Variants in KIF26B observed in about 807,000 individuals in gnomAD.
The protein encoded by KIF26B is kinesin-like protein KIF26B.
KIF26B carries 63 observed loss-of-function variants against 151.2 expected under a neutral mutation model. The observed-to-expected ratio is 0.42, with a 90% CI of 0.34 to 0.51. The LOEUF (loss-of-function observed/expected upper bound fraction) is 0.51. Ranked by LOEUF, KIF26B falls within the 20% of genes least tolerant of loss-of-function variation. KIF26B has a pLI of 0.07. For missense variants in KIF26B, 2,813 were observed against 2,913.6 expected (o/e 0.97, Z 0.79); for synonymous variants, 1,357 against 1,262.1 (o/e 1.08, Z -1.59).
Position 245,602,504 on chromosome 1 carries a change from A to G in KIF26B, c.1351-73A>G. 1.7e-6 allele frequency: 2 copies of G among 1,161,442 alleles called. No individual in the cohort carries two copies. Among genetic ancestry groups the G allele is most frequent in the Non-Finnish European group, 2.5e-6 (2 of 794,050 alleles). The allele number at this position is 1,161,442 out of a possible 1,614,324, so 71.9% of individuals were successfully genotyped here. A position where few individuals can be genotyped will look rare whatever the true frequency, so the allele number is the denominator to read the frequency against. On this transcript the variant is annotated intron_variant, in intron 5 of 14. Transcript: ENST00000407071. The surrounding 1 kb of genome is among the most constrained non-coding windows in gnomAD (Gnocchi z 4.5). Reference sequence around the variant, plus strand: ...GCTGCCATGTGCATGTATATCGCAGAGTATACAAGGGTGCTCCATCGTAAA... The same window carrying G: ...GCTGCCATGTGCATGTATATCGCAGGGTATACAAGGGTGCTCCATCGTAAA...
chr1:245,195,700 T>G (rs1359502063), intron 2 of KIF26B, among the ~76,000 whole-genome samples: 2 of 152,116 alleles, frequency 1.3e-5, no homozygotes, highest in African/African-American at 4.8e-5. Context: ...TCAGGTGTTG[T>G]TTTTCCGCCA....
At position 245,687,958 on chromosome 1, in the gene KIF26B, C is replaced by A. The variant is rs755834397; in HGVS notation, c.4975C>A (p.Leu1659Met). Residue 1659 changes from leucine to methionine, a missense_variant, in exon 12 of 15, where the codon CTG becomes ATG. Leu to Met is a conservative substitution (Grantham distance 15). This residue lies in a region of KIF26B where 2,060 missense variants were observed against 2,088.6 expected (regional missense o/e 0.99). Transcript: ENST00000407071. This position sits in a 1 kb window ranked among gnomAD's most constrained non-coding sequence, Gnocchi z 4.9. ...CAGCAGCAAGCTCTTCAGTGCCAAG[C>A]TGGAGCAGCTGGCCAGCAGAAGCAA... ...SSSSKLFSAK[L>M]EQLASRSNSL... The A allele has an allele frequency of 4.4e-6, 7 of 1,587,872 alleles. No individual in the cohort carries two copies. In the Admixed American group the frequency reaches 8.8e-5, roughly 20 times the overall value.
chr1:245,634,161 T>G (rs1188124110), intron 9 of KIF26B, among the ~76,000 whole-genome samples: 1 of 152,234 alleles, frequency 6.6e-6, no homozygotes, highest in African/African-American at 2.4e-5. Flanking sequence ...AGAAATGCAT[T>G]GATTTTTGTC....
intron 2 of KIF26B, among the ~76,000 whole-genome samples, chr1:245,186,649 C>T (rs4658719): frequency 0.75 from 114,106 of 152,054 alleles, 43,640 homozygotes; most frequent in East Asian, 0.88. Context: ...CAGTAAGTTA[C>T]GTATCTCTAA....
intron 4 of KIF26B, among the ~76,000 whole-genome samples, chr1:245,477,935 G>A (rs1357840855): frequency 1.3e-5 from 2 of 151,642 alleles, no homozygotes. Context: ...TACTGTGCAA[G>A]CAGAACATTT....
intron 4 of KIF26B, among the ~76,000 whole-genome samples, chr1:245,424,929 CT>C (rs201769563): frequency 2.7e-5 from 4 of 147,264 alleles, no homozygotes; most frequent in South Asian, 2.1e-4. Context: ...AGTACCTTCC[CT>C]TTTTTTTTCG....
intron 4 of KIF26B, among the ~76,000 whole-genome samples, chr1:245,438,912 C>T (rs1325223020): frequency 1.3e-5 from 2 of 152,020 alleles, no homozygotes; most frequent in African/African-American, 2.4e-5. Flanking sequence ...AGGGAGGAAC[C>T]GATTACAAAG....
At chr1:245,156,926 C>T (rs1448453623) in intron 2 of KIF26B, among the ~76,000 whole-genome samples, 3 of 152,218 alleles carry the variant, frequency 2.0e-5, no homozygotes, top group Non-Finnish European at 2.9e-5. Flanking sequence ...CGCCCGTGGC[C>T]ACAGGCCTCA....
chr1:245,165,536 G>C (rs978688320), intron 2 of KIF26B, among the ~76,000 whole-genome samples: 1 of 152,174 alleles, frequency 6.6e-6, no homozygotes, highest in South Asian at 2.1e-4. Context: ...GGATGTCAGC[G>C]TAGAGAAGGT....
At chr1:245,267,264 T>G (rs370543562) in intron 2 of KIF26B, among the ~76,000 whole-genome samples, 1 of 152,244 alleles carries the variant, frequency 6.6e-6, no homozygotes, top group African/African-American at 2.4e-5. Flanking sequence ...CACACAAGAA[T>G]GTGTGCAGCT....
At chr1:245,535,594 A>C (rs1052860270) in intron 4 of KIF26B, among the ~76,000 whole-genome samples, 2 of 152,194 alleles carry the variant, frequency 1.3e-5, no homozygotes, top group African/African-American at 4.8e-5. Context: ...GGATATTTTC[A>C]GTGACAAAAC....
chr1:245,376,879 G>C (rs1673288629), intron 3 of KIF26B, among the ~76,000 whole-genome samples: 1 of 151,894 alleles, frequency 6.6e-6, no homozygotes, highest in Non-Finnish European at 1.5e-5. Context: ...GTAGAGACAG[G>C]GTTTCACCAT....
chr1:245,217,798 G>A (rs1297404064), intron 2 of KIF26B, among the ~76,000 whole-genome samples: 1 of 152,116 alleles, frequency 6.6e-6, no homozygotes, highest in Non-Finnish European at 1.5e-5. Context: ...TTCAGACGAG[G>A]AAACCAAAGT....
At position 245,633,515 on chromosome 1, in the gene KIF26B, TG is replaced by T. The variant is rs1378065242; in HGVS notation, c.2099-12605del. Among the ~76,000 whole-genome samples the T allele has an allele frequency of 5.3e-5, 8 of 152,140 alleles. No homozygotes were observed. In the East Asian group the frequency reaches 1.4e-3, roughly 26 times the overall value. ...TTGACTCCTTTCTCTTTCTCATTCG[TG>T]TATCTGCTCTCCCAGTGAGTTTTTC... On this transcript the variant is annotated intron_variant, in intron 9 of 14. Transcript: ENST00000407071.
Position 245,419,594 on chromosome 1 carries a change from A to G in KIF26B, c.1015A>G (p.Thr339Ala). 1.2e-6 allele frequency: 2 copies of G among 1,610,902 alleles called. No homozygotes were observed. Among genetic ancestry groups the G allele is most frequent in the Non-Finnish European group, 1.7e-6 (2 of 1,178,384 alleles). The change falls in exon 4 of 15, where the codon ACA becomes GCA. Residue 339 changes from threonine (T) to alanine (A), a missense_variant. By Grantham distance (58) the Thr-to-Ala change is moderately conservative. This residue lies in a region of KIF26B where 676 missense variants were observed against 688.1 expected (regional missense o/e 0.98). Transcript: ENST00000407071. ...LYPYQISQLM[T>A]ESSREGLTEA... is the part of the protein sequence containing the mutation. ...TCTTTGTCAGATCTCCCAGCTGATG[A>G]CAGAGAGTAGCCGGGAGGGACTAAC...
intron 2 of KIF26B, among the ~76,000 whole-genome samples, chr1:245,345,680 T>C (rs1672438638): frequency 6.6e-6 from 1 of 152,032 alleles, no homozygotes; most frequent in Non-Finnish European, 1.5e-5. Context: ...GTTCTCGTGA[T>C]AGTGAGTGAG....
intron 2 of KIF26B, among the ~76,000 whole-genome samples, chr1:245,231,576 C>G (rs1669998819): frequency 6.6e-6 from 1 of 152,144 alleles, no homozygotes; most frequent in Non-Finnish European, 1.5e-5. Context: ...AGATGTGACT[C>G]TACATACTGA....
intron 9 of KIF26B, among the ~76,000 whole-genome samples, chr1:245,644,340 G>T (rs1430857755): frequency 1.3e-5 from 2 of 151,842 alleles, no homozygotes; most frequent in Non-Finnish European, 2.9e-5. Context: ...TCAGTTTTGT[G>T]TCTTTTTAAA....
At chr1:245,414,748 C>G (rs975524188) in intron 3 of KIF26B, among the ~76,000 whole-genome samples, 2 of 152,208 alleles carry the variant, frequency 1.3e-5, no homozygotes, top group Non-Finnish European at 2.9e-5. Flanking sequence ...GACACACGCT[C>G]TTATTTTAGA....
Sources: allele counts gnomAD v4.1 joint callset (sites outside exome capture counted in the v4.1 genomes callset), GRCh38; gene constraint gnomAD v4.1.1; regional missense constraint gnomAD v4.1.1; non-coding constraint Gnocchi (gnomAD v3.1); transcripts MANE v1.5; gene names NCBI Gene and HGNC (gene_info 2026-07-23, HGNC 2026-07-21).